The following CASP10 variants were observed in gnomAD, a reference collection of about 807,000 sequenced individuals.
CASP10 encodes caspase-10.
A neutral mutation model predicts 48.5 loss-of-function variants in CASP10; 41 were observed. The observed-to-expected ratio is 0.85, with a 90% CI of 0.66 to 1.10. The LOEUF is 1.10. Among genes scored for constraint, CASP10 ranks in the 50% least tolerant of loss-of-function variants. CASP10 has a pLI of 0.00. For missense variants in CASP10, 614 were observed against 614.5 expected (o/e 1.00, Z 0.01); for synonymous variants, 232 against 238.4 (o/e 0.97, Z 0.25).
At chr2:201,202,383 C>T (rs1350399503) in intron 5 of CASP10, among the ~76,000 whole-genome samples, 3 of 152,194 alleles carry the variant, frequency 2.0e-5, no homozygotes, top group Non-Finnish European at 4.4e-5. Flanking sequence ...ATGCAACATT[C>T]TCGGGAGAAG....
At chr2:201,207,366 A>T (rs1340225176) in intron 7 of CASP10, among the ~76,000 whole-genome samples, 2 of 152,082 alleles carry the variant, frequency 1.3e-5, no homozygotes, top group Admixed American at 1.3e-4. Flanking sequence ...CATGCCTGTA[A>T]TCCTAGCACT....
At chr2:201,203,582 C>G in intron 5 of CASP10, 148 bp from the exon 6 acceptor site, 1 of 718,928 alleles carries the variant, frequency 1.4e-6, no homozygotes, top group Non-Finnish European at 2.5e-6. Flanking sequence ...GCTGGGATTA[C>G]AGGCATGAGC....
At chr2:201,191,682 A>C (rs1021663723) in intron 3 of CASP10, among the ~76,000 whole-genome samples, 1 of 152,212 alleles carries the variant, frequency 6.6e-6, no homozygotes, top group Non-Finnish European at 1.5e-5. Flanking sequence ...CTAAATTCTT[A>C]CAGTCTCTCT....
intron 8 of CASP10, among the ~76,000 whole-genome samples, chr2:201,208,867 T>C (rs921559653): frequency 6.6e-6 from 1 of 152,020 alleles, no homozygotes; most frequent in Admixed American, 6.6e-5. Flanking sequence ...TCAGTAGAGA[T>C]GGGGTTTTGC....
intron 1 of CASP10, among the ~76,000 whole-genome samples, chr2:201,184,019 C>T (rs1445520106): frequency 6.6e-6 from 1 of 152,098 alleles, no homozygotes; most frequent in Admixed American, 6.5e-5. Context: ...TCTCAGCTTC[C>T]TATGAAGCTG....
chr2:201,194,232 T>A (rs950016204), intron 4 of CASP10, among the ~76,000 whole-genome samples: 4 of 152,136 alleles, frequency 2.6e-5, no homozygotes, highest in African/African-American at 7.2e-5. Flanking sequence ...GCTAAATATC[T>A]GTGTTTTTCT....
In CASP10 at chr2:201,228,846, T is replaced by A. The variant is rs1945822786; in HGVS notation, c.1416-87T>A. The A allele has an allele frequency of 4.2e-6, 5 of 1,184,154 alleles. No individual in the cohort carries two copies. In the South Asian group the frequency reaches 6.4e-5, roughly 15 times the overall value. 73.4% of individuals were successfully genotyped at this position (1,184,154 alleles called of 1,614,324 possible). ...AAAGTACAGCTGCCCATAAAAAAGC[T>A]ATGCCGGGGTCCAGCCTCTCCAGGT... On this transcript the variant is annotated intron_variant, in intron 9 of 9. Coordinates refer to the CASP10 transcript ENST00000272879.
chr2:201,196,938 G>A (rs1944816371), intron 5 of CASP10, among the ~76,000 whole-genome samples: 1 of 151,982 alleles, frequency 6.6e-6, no homozygotes, highest in African/African-American at 2.4e-5. Flanking sequence ...TACAATATTT[G>A]TTCGTTTGTG....
At chr2:201,206,309 T>A in intron 7 of CASP10, 2 of 206,088 alleles carry the variant, frequency 9.7e-6, no homozygotes, top group South Asian at 1.4e-4. Flanking sequence ...TGGATAAAGA[T>A]GTACCACGAT....
At chr2:201,225,344 C>T (rs945299406), downstream of CASP10, among the ~76,000 whole-genome samples, 1 of 152,180 alleles carries the variant, frequency 6.6e-6, no homozygotes, top group African/African-American at 2.4e-5. Context: ...CCTTGTCCTC[C>T]AAATTTGTAC....
downstream of CASP10, among the ~76,000 whole-genome samples, chr2:201,222,565 A>AT (rs1473297142): frequency 1.7e-4 from 26 of 152,350 alleles, no homozygotes; most frequent in African/African-American, 6.0e-4. Flanking sequence ...ACATGAAGAC[A>AT]TTTGATAAAT....
At chr2:201,221,956 TG>T (rs1227184264), downstream of CASP10, among the ~76,000 whole-genome samples, 2 of 152,124 alleles carry the variant, frequency 1.3e-5, no homozygotes, top group African/African-American at 4.8e-5. Flanking sequence ...GGTACACAGT[TG>T]GTAGAGTGTG....
At chr2:201,228,929 G>C in intron 9 of CASP10, 1 of 1,614,052 alleles carries the variant, frequency 6.2e-7, no homozygotes, top group Non-Finnish European at 8.5e-7. Context: ...TTTGTGCTCA[G>C]TAGGATGCTG....
intron 5 of CASP10, among the ~76,000 whole-genome samples, chr2:201,203,368 G>A (rs1295892365): frequency 6.0e-5 from 9 of 150,068 alleles, no homozygotes; most frequent in Middle Eastern, 3.4e-3. Context: ...GTGCAGTTGC[G>A]CAATCTCGGC....
intron 9 of CASP10, among the ~76,000 whole-genome samples, chr2:201,227,171 G>A (rs1235434144): frequency 6.6e-6 from 1 of 152,154 alleles, no homozygotes; most frequent in Admixed American, 6.6e-5. Flanking sequence ...AGTGCTAGAT[G>A]TGGGGATATT....
chr2:201,217,364 G>A (rs41431947), intron 9 of CASP10, among the ~76,000 whole-genome samples: 2 of 152,050 alleles, frequency 1.3e-5, no homozygotes, highest in Non-Finnish European at 1.5e-5. Flanking sequence ...TCAGGGGTTC[G>A]AGACCAGCCT....
rs1210981144 is a variant in CASP10, at chr2:201,220,042, G to A, written c.*2301G>A. On this transcript the variant is annotated 3_prime_UTR_variant, in exon 10 of 10. Coordinates refer to ENST00000286186, the MANE Select transcript of CASP10 (RefSeq NM_032977.4). The stretch of plus-strand genomic sequence containing the variant: ...TGCCTGCATTTATAATTATTTATGT[G>A]AAAGTCAAATTCATGTACAGTAAAT... 1 of 985,290 alleles carries A rather than the reference G, an allele frequency of 1.0e-6. No individual in the cohort carries two copies. Among genetic ancestry groups the A allele is most frequent in the Non-Finnish European group, 1.2e-6 (1 of 829,904 alleles). The allele number at this position is 985,290 out of a possible 1,614,324, so 61.0% of individuals were successfully genotyped here.
chr2:201,194,146 G>C (rs1944709953), intron 4 of CASP10, among the ~76,000 whole-genome samples: 1 of 151,566 alleles, frequency 6.6e-6, no homozygotes, highest in Non-Finnish European at 1.5e-5. Flanking sequence ...GATAAAGGTA[G>C]TTCTGCTGTG....
At chr2:201,195,194 C>T (rs1377779664) in intron 4 of CASP10, among the ~76,000 whole-genome samples, 1 of 152,022 alleles carries the variant, frequency 6.6e-6, no homozygotes, top group East Asian at 1.9e-4. Flanking sequence ...CAAGTTCAAG[C>T]GATTCTTCTG....
Sources: gnomAD v4.1 joint callset for allele counts (sites outside exome capture counted in the v4.1 genomes callset) on GRCh38, gnomAD v4.1.1 for gene constraint, MANE v1.5 for transcripts, NCBI Gene and HGNC (gene_info 2026-07-23, HGNC 2026-07-21) for gene names.